PPM1E: variants seen among roughly 807,000 people sequenced by gnomAD.
PPM1E encodes protein phosphatase, Mg2+/Mn2+ dependent 1E, also known as protein phosphatase 1E.
A neutral mutation model predicts 65.9 loss-of-function variants in PPM1E; 20 were observed. That is an observed-to-expected ratio of 0.30 (90% CI 0.21 to 0.44). PPM1E has a LOEUF of 0.44. Ranked by LOEUF, PPM1E falls within the 20% of genes least tolerant of loss-of-function variation. The pLI, the probability that PPM1E is intolerant of heterozygous loss-of-function variation, is 1.00. For synonymous variants in PPM1E, 352 were observed against 374.9 expected (o/e 0.94, Z 0.70); for missense variants, 713 against 953.1 (o/e 0.75, Z 3.32).
chr17:58,786,684 A>C (rs1437591186), intron 1 of PPM1E, among the ~76,000 whole-genome samples: 1 of 152,226 alleles, frequency 6.6e-6, no homozygotes, highest in Non-Finnish European at 1.5e-5. Context: ...TGGGTAACTA[A>C]AACTTCAAAA....
intron 1 of PPM1E, among the ~76,000 whole-genome samples, chr17:58,868,014 T>C (rs1397601216): frequency 6.6e-6 from 1 of 152,196 alleles, no homozygotes; most frequent in East Asian, 1.9e-4. Context: ...TTATTGATAA[T>C]GCAGCTCTGG....
At chr17:58,865,720 A>T (rs1232044406) in intron 1 of PPM1E, among the ~76,000 whole-genome samples, 2 of 152,182 alleles carry the variant, frequency 1.3e-5, no homozygotes, top group African/African-American at 2.4e-5. Context: ...ACAAACAAAC[A>T]AAAGTTTCTT....
At chr17:58,785,490 A>ATATATATATATATATATATATAT (rs6146107) in intron 1 of PPM1E, 10 of 134,532 alleles carry the variant, frequency 7.4e-5, no homozygotes, top group Admixed American at 2.3e-4. Context: ...ATATATATAT[A>ATATATATATATATATATATATAT]GTAGAACCAG....
intron 1 of PPM1E, among the ~76,000 whole-genome samples, chr17:58,954,599 C>T (rs1291865307): frequency 6.6e-6 from 1 of 151,986 alleles, no homozygotes; most frequent in Non-Finnish European, 1.5e-5. Flanking sequence ...CTGTATTGGC[C>T]AGGCGCAGTG....
intron 1 of PPM1E, among the ~76,000 whole-genome samples, chr17:58,842,919 CAA>C (rs2050733884): frequency 1.3e-5 from 2 of 151,772 alleles, no homozygotes; most frequent in South Asian, 4.2e-4. Flanking sequence ...GCCTGGGCAA[CAA>C]GAGCAACATC....
chr17:58,842,186 C>A (rs926323394), intron 1 of PPM1E, among the ~76,000 whole-genome samples: 1 of 152,058 alleles, frequency 6.6e-6, no homozygotes, highest in African/African-American at 2.4e-5. Flanking sequence ...TGTAGTATAC[C>A]TGACCAGAAC....
chr17:58,916,383 C>T (rs1332976491), intron 1 of PPM1E, among the ~76,000 whole-genome samples: 2 of 152,108 alleles, frequency 1.3e-5, no homozygotes, highest in Non-Finnish European at 2.9e-5. Context: ...TTAATTAATT[C>T]TTGTACATTC....
intron 1 of PPM1E, among the ~76,000 whole-genome samples, chr17:58,833,007 G>A (rs1048239251): frequency 2.0e-5 from 3 of 151,706 alleles, no homozygotes; most frequent in Admixed American, 2.0e-4. Flanking sequence ...TTTTCTTTTA[G>A]TAGAGACGGG....
chr17:58,960,778 A>G (rs1021134668), intron 2 of PPM1E, among the ~76,000 whole-genome samples: 2 of 151,576 alleles, frequency 1.3e-5, no homozygotes, highest in Non-Finnish European at 1.5e-5. Context: ...AAAAAAAAAA[A>G]AAAGAAAAAT....
intron 1 of PPM1E, among the ~76,000 whole-genome samples, chr17:58,872,430 T>C (rs537311726): frequency 7.9e-5 from 12 of 152,334 alleles, no homozygotes; most frequent in African/African-American, 2.9e-4. Context: ...TGAATGAAAG[T>C]AATTTGTGTT....
chr17:58,810,962 A>G (rs1003967085), intron 1 of PPM1E, among the ~76,000 whole-genome samples: 1 of 152,016 alleles, frequency 6.6e-6, no homozygotes, highest in African/African-American at 2.4e-5. Flanking sequence ...GGTTCAAGCG[A>G]TTCTCCTGCT....
At chr17:58,796,845 C>T (rs966511446) in intron 1 of PPM1E, among the ~76,000 whole-genome samples, 1 of 152,158 alleles carries the variant, frequency 6.6e-6, no homozygotes, top group African/African-American at 2.4e-5. Context: ...GTGGCTCACA[C>T]CTGTAATCCT....
intron 1 of PPM1E, among the ~76,000 whole-genome samples, chr17:58,846,719 C>T (rs948657626): frequency 6.6e-6 from 1 of 152,064 alleles, no homozygotes; most frequent in Non-Finnish European, 1.5e-5. Context: ...TGAATAGTGC[C>T]ACAATAAACA....
At chr17:58,774,882 C>G (rs1459305443) in intron 1 of PPM1E, among the ~76,000 whole-genome samples, 1 of 150,728 alleles carries the variant, frequency 6.6e-6, no homozygotes, top group Non-Finnish European at 1.5e-5. Flanking sequence ...GAGACTGAGT[C>G]TTCCTCTGTC....
intron 1 of PPM1E, among the ~76,000 whole-genome samples, chr17:58,859,276 C>T (rs1463838690): frequency 1.3e-5 from 2 of 152,198 alleles, no homozygotes; most frequent in African/African-American, 4.8e-5. Context: ...CAAGACCTTT[C>T]CTGATCATTT....
chr17:58,890,216 A>C (rs2070622910), intron 1 of PPM1E, among the ~76,000 whole-genome samples: 2 of 152,190 alleles, frequency 1.3e-5, no homozygotes, highest in African/African-American at 4.8e-5. Context: ...TTGTTGATTC[A>C]TTAACACTGA....
At chr17:58,925,478 T>C (rs981578196) in intron 1 of PPM1E, among the ~76,000 whole-genome samples, 1 of 152,112 alleles carries the variant, frequency 6.6e-6, no homozygotes, top group Non-Finnish European at 1.5e-5. Context: ...TCTCGCTCTG[T>C]CACCCAGGCT....
intron 1 of PPM1E, among the ~76,000 whole-genome samples, chr17:58,901,269 C>A (rs2051494977): frequency 1.3e-5 from 2 of 152,176 alleles, no homozygotes; most frequent in African/African-American, 4.8e-5. Flanking sequence ...CGTGAGCCAC[C>A]ACCTTGACTT....
intron 2 of PPM1E, among the ~76,000 whole-genome samples, chr17:58,960,711 A>G (rs955197336): frequency 6.6e-6 from 1 of 150,816 alleles, no homozygotes; most frequent in African/African-American, 2.4e-5. Context: ...GGTTCCAGTG[A>G]GCTGAGATCA....
Sources: gnomAD v4.1 joint callset for allele counts (sites outside exome capture counted in the v4.1 genomes callset) on GRCh38, gnomAD v4.1.1 for gene constraint, MANE v1.5 for transcripts, NCBI Gene and HGNC (gene_info 2026-07-23, HGNC 2026-07-21) for gene names.